The following SKOR2 variants were observed in gnomAD, a reference collection of about 807,000 sequenced individuals.
The protein encoded by SKOR2 is SKI family transcriptional corepressor 2, also known as LBX1 corepressor 1-like protein.
SKOR2 carries 47 observed loss-of-function variants against 69.1 expected under a neutral mutation model. That is an observed-to-expected ratio of 0.68 (90% CI 0.54 to 0.87). SKOR2 has a LOEUF of 0.87. Among genes scored for constraint, SKOR2 ranks in the 40% least tolerant of loss-of-function variants. The probability of loss-of-function intolerance (pLI) is 0.00; values close to 1 mark genes in which losing one functional copy is unlikely to be tolerated. For missense variants in SKOR2, 1,404 were observed against 1,472.2 expected (o/e 0.95, Z 0.76); for synonymous variants, 717 against 672.6 (o/e 1.07, Z -1.02).
At position 47,206,272 on chromosome 18, in the gene SKOR2, T is replaced by C. The variant is rs2064112755; in HGVS notation, c.*624A>G. The C allele has an allele frequency of 6.6e-6, 1 of 152,166 alleles. No individual in the cohort carries two copies. The highest frequency in any genetic ancestry group is 2.1e-4 in the South Asian group (1 of 4,826). 9.4% of individuals were successfully genotyped at this position (152,166 alleles called of 1,614,324 possible). On this transcript the variant is annotated 3_prime_UTR_variant, in exon 9 of 9. Transcript: ENST00000425639. ...TTTGATAACATGATTATATTCTTAA[T>C]TACACTCAATATTAAACTGTAAAAT...
intron 4 of SKOR2, among the ~76,000 whole-genome samples, chr18:47,237,080 T>A (rs2064227295): frequency 6.6e-6 from 1 of 152,234 alleles, no homozygotes; most frequent in Admixed American, 6.5e-5. Flanking sequence ...TTTAATTCAT[T>A]CTGCTTTGTA....
In SKOR2 at chr18:47,247,771, C is replaced by T; in HGVS notation, c.1413G>A (p.Trp471Ter). The T allele has an allele frequency of 7.2e-7, 1 of 1,387,224 alleles. No homozygotes were observed. Among genetic ancestry groups the T allele is most frequent in the Non-Finnish European group, 9.3e-7 (1 of 1,079,478 alleles). The allele number at this position is 1,387,224 out of a possible 1,614,324, so 85.9% of individuals were successfully genotyped here. Residue 471 changes from tryptophan (W) to a stop codon, truncating the protein, a stop_gained, in exon 2 of 9, where the codon TGG (tryptophan) becomes TGA (stop). Coordinates refer to ENST00000425639, the MANE Select transcript of SKOR2 (RefSeq NM_001278063.4). LOFTEE classifies it high-confidence loss of function. This position sits in a 1 kb window ranked among gnomAD's most constrained non-coding sequence, Gnocchi z 6.6. ...GGAGCCCGCCAGGGGTCCGCGGCGG[C>T]CAGAACATGCAGAAGGGCGGATAGA... The part of the protein sequence containing the change: ...DAFYPPFCMF[W>*]PPRTPGGLPV...
intron 4 of SKOR2, among the ~76,000 whole-genome samples, chr18:47,243,264 C>G (rs1316677616): frequency 6.6e-6 from 1 of 152,138 alleles, no homozygotes; most frequent in Admixed American, 6.5e-5. Flanking sequence ...TATAGACTTC[C>G]CATCTGTGGT....
chr18:47,232,558 C>G (rs886129276), intron 4 of SKOR2, among the ~76,000 whole-genome samples: 1 of 152,220 alleles, frequency 6.6e-6, no homozygotes, highest in Non-Finnish European at 1.5e-5. Flanking sequence ...CTCCCTTTCA[C>G]CCCATCCCTC....
At chr18:47,231,143 C>A (rs947232889) in intron 4 of SKOR2, 143 bp from the exon 5 acceptor site, 3 of 1,535,964 alleles carry the variant, frequency 2.0e-6, no homozygotes, top group Non-Finnish European at 2.6e-6. Context: ...ATGTTGTCCT[C>A]ATTTATTCGC....
intron 6 of SKOR2, 80 bp downstream of exon 6, chr18:47,230,379 C>G: frequency 1.2e-6 from 1 of 866,544 alleles, no homozygotes; most frequent in Non-Finnish European, 1.6e-6. Flanking sequence ...TCGCTTAATA[C>G]TTAGAATCAC....
rs774529226 is a variant in SKOR2, at chr18:47,247,026, C to T, written c.2158G>A (p.Gly720Arg). 15 of 1,414,294 alleles carry T rather than the reference C, an allele frequency of 1.1e-5. No homozygotes were observed. In the East Asian group the frequency reaches 3.2e-4, roughly 30 times the overall value. 87.6% of individuals were successfully genotyped at this position (1,414,294 alleles called of 1,614,324 possible). A position where few individuals can be genotyped will look rare whatever the true frequency, so the allele number is the denominator to read the frequency against. Reference protein sequence around the residue: ...HPHHRGLLSPGGTSCCYPSED... With the variant: ...HPHHRGLLSPRGTSCCYPSED... ...CTGGGGTAGCAGCAGCTGGTTCCCC[C>T]GGGAGACAGAAGGCCTCGGTGGTGC... The change falls in exon 2 of 9, where the codon GGG (glycine) becomes AGG (arginine). Residue 720 changes from glycine (G) to arginine (R), a missense_variant. Gly to Arg is a moderately radical substitution (Grantham distance 125, BLOSUM62 -2). Around this residue, in one of 3 missense-constraint regions of SKOR2, gnomAD observed 1,266 missense variants for 1,309.9 expected, o/e 0.97. Transcript: ENST00000425639. This position sits in a 1 kb window ranked among gnomAD's most constrained non-coding sequence, Gnocchi z 6.6.
chr18:47,230,204 T>C (rs916608147), intron 6 of SKOR2, among the ~76,000 whole-genome samples: 3 of 151,892 alleles, frequency 2.0e-5, no homozygotes, highest in Non-Finnish European at 4.4e-5. Context: ...TACACACATT[T>C]TAAAATACGT....
Position 47,230,548 on chromosome 18 carries a change from TG to T in SKOR2, c.2827del (p.Gln943ArgfsTer8). ...ATCTATTTGTTCAAATAAAACCTTC[TG>T]AAGTTCTTCTAATAAAAAAAAGAAG... ...DVENMGKEEL[Q>X]KVLFEQIDLR... On this transcript the variant is annotated frameshift_variant, in exon 6 of 9. Transcript: ENST00000425639. LOFTEE classifies it high-confidence loss of function. 7.0e-7 allele frequency: 1 copy of T among 1,423,330 alleles called. No homozygotes were observed. The highest frequency in any genetic ancestry group is 9.1e-7 in the Non-Finnish European group (1 of 1,096,326). 88.2% of individuals were successfully genotyped at this position (1,423,330 alleles called of 1,614,324 possible).
In SKOR2 at chr18:47,246,660, C is replaced by T; in HGVS notation, c.2524G>A (p.Ala842Thr). Residue 842 changes from alanine (A) to threonine (T), a missense_variant, in exon 2 of 9, where the codon GCC (alanine) becomes ACC (threonine). Around this residue, in one of 3 missense-constraint regions of SKOR2, gnomAD observed 1,266 missense variants for 1,309.9 expected, o/e 0.97. Transcript: ENST00000425639. ...CCGCCGCCACTCGCCTTCTGGGGGG[C>T]CAGGGGCGGCGGCGGGGGCGGGGGC... The part of the protein sequence containing the change: ...DLPPPPPPPL[A>T]PQKASGGGSS... 8 of 1,497,870 alleles carry T rather than the reference C, an allele frequency of 5.3e-6. No individual in the cohort carries two copies. The highest frequency in any genetic ancestry group is 6.2e-6 in the Non-Finnish European group (7 of 1,132,294). 92.8% of individuals were successfully genotyped at this position (1,497,870 alleles called of 1,614,324 possible). A position where few individuals can be genotyped will look rare whatever the true frequency, so the allele number is the denominator to read the frequency against.
At chr18:47,213,815 G>C (rs1193103014) in intron 7 of SKOR2, among the ~76,000 whole-genome samples, 1 of 151,948 alleles carries the variant, frequency 6.6e-6, no homozygotes, top group Non-Finnish European at 1.5e-5. Flanking sequence ...AGTTACACAG[G>C]GACCTACTCC....
At chr18:47,230,349 A>G in intron 6 of SKOR2, 110 bp downstream of exon 6, 1 of 624,832 alleles carries the variant, frequency 1.6e-6, no homozygotes, top group Non-Finnish European at 2.4e-6. Flanking sequence ...CCATGGGAAG[A>G]CTGTGTGTGT....
At chr18:47,235,780 C>CA (rs11433396) in intron 4 of SKOR2, among the ~76,000 whole-genome samples, 12,648 of 59,082 alleles carry the variant, frequency 0.21, 1,070 homozygotes, top group South Asian at 0.24. Context: ...CACAAACAAG[C>CA]AAAAAAAAAA....
At chr18:47,225,950 T>C (rs1450267250) in intron 6 of SKOR2, among the ~76,000 whole-genome samples, 1 of 152,088 alleles carries the variant, frequency 6.6e-6, no homozygotes, top group Non-Finnish European at 1.5e-5. Context: ...CGTTCTAGCT[T>C]CTTGAGGTGA....
chr18:47,212,753 A>C (rs2144476114), intron 7 of SKOR2, among the ~76,000 whole-genome samples: 1 of 152,190 alleles, frequency 6.6e-6, no homozygotes, highest in African/African-American at 2.4e-5. Flanking sequence ...TGGGAGGATC[A>C]CTTGAGCCCA....
chr18:47,209,243 A>C (rs563108673), intron 8 of SKOR2, among the ~76,000 whole-genome samples: 2 of 152,240 alleles, frequency 1.3e-5, no homozygotes, highest in South Asian at 4.1e-4. Flanking sequence ...TCCTCCTCTT[A>C]ATAGTCATAT....
At chr18:47,239,226 G>T (rs988570204) in intron 4 of SKOR2, among the ~76,000 whole-genome samples, 1 of 151,876 alleles carries the variant, frequency 6.6e-6, no homozygotes, top group Non-Finnish European at 1.5e-5. Flanking sequence ...AAAAAAGCAA[G>T]GTTAAATAAT....
chr18:47,208,569 A>G (rs2064119348), intron 8 of SKOR2, among the ~76,000 whole-genome samples: 1 of 152,220 alleles, frequency 6.6e-6, no homozygotes, highest in Non-Finnish European at 1.5e-5. Context: ...GTTTGGGAGA[A>G]AATGAATGTA....
intron 1 of SKOR2, among the ~76,000 whole-genome samples, chr18:47,250,076 A>G (rs1338628841): frequency 1.3e-5 from 2 of 152,226 alleles, no homozygotes; most frequent in Non-Finnish European, 2.9e-5. Context: ...ACCCAGAAAC[A>G]GTACACAGGA....
Sources: allele counts gnomAD v4.1 joint callset (sites outside exome capture counted in the v4.1 genomes callset), GRCh38; gene constraint gnomAD v4.1.1; regional missense constraint gnomAD v4.1.1; non-coding constraint Gnocchi (gnomAD v3.1); transcripts MANE v1.5; gene names NCBI Gene and HGNC (gene_info 2026-07-23, HGNC 2026-07-21).